The following SLC25A17 variants were observed in gnomAD, a reference collection of about 807,000 sequenced individuals.
SLC25A17 encodes peroxisomal membrane protein PMP34.
A neutral mutation model predicts 38.5 loss-of-function variants in SLC25A17; 26 were observed. The ratio of observed to expected loss-of-function variants is 0.68; its 90% CI spans 0.50 to 0.94. SLC25A17 has a LOEUF of 0.94. Ranked by LOEUF, SLC25A17 falls within the 40% of genes least tolerant of loss-of-function variation. SLC25A17 has a pLI of 0.00. For synonymous variants in SLC25A17, 139 were observed against 136.2 expected (o/e 1.02, Z -0.14); for missense variants, 333 against 372.7 (o/e 0.89, Z 0.88).
At chr22:40,816,754 G>A (rs751684462) in intron 1 of SLC25A17, among the ~76,000 whole-genome samples, 2 of 151,982 alleles carry the variant, frequency 1.3e-5, no homozygotes, top group African/African-American at 4.8e-5. Context: ...GGGATTACAG[G>A]CGCCCACCAC....
chr22:40,772,115 G>T (rs1459620410), intron 8 of SLC25A17, among the ~76,000 whole-genome samples: 2 of 151,724 alleles, frequency 1.3e-5, no homozygotes, highest in African/African-American at 4.8e-5. Flanking sequence ...GAAGTGGATG[G>T]CTGGGTCCTA....
chr22:40,801,715 G>C (rs1406833659), intron 1 of SLC25A17, among the ~76,000 whole-genome samples: 3 of 152,180 alleles, frequency 2.0e-5, no homozygotes. Context: ...AAAAATGGGA[G>C]CTGGAAAGTT....
chr22:40,798,660 T>C lies in SLC25A17; in HGVS notation c.115+363A>G, dbSNP rs368590465. On this transcript the variant is annotated intron_variant, in intron 2 of 8. Transcript: ENST00000435456. ...CTAGAAAAATAAAAGCACACATACA[T>C]AAAAAAAAAAAAAAAAAAAAAAAGA... 4.0e-5 allele frequency among the ~76,000 whole-genome samples: 3 copies of C among 74,378 alleles called. No individual in the cohort carries two copies. The East Asian group carries it at 1.4e-3, about 34-fold the overall frequency. The allele number at this position is 74,378 out of a possible 152,430, so 48.8% of individuals were successfully genotyped here. A position where few individuals can be genotyped will look rare whatever the true frequency, so the allele number is the denominator to read the frequency against.
intron 1 of SLC25A17, among the ~76,000 whole-genome samples, chr22:40,813,530 T>C (rs1284614794): frequency 6.6e-6 from 1 of 151,432 alleles, no homozygotes; most frequent in African/African-American, 2.4e-5. Flanking sequence ...AGAGCGAGAC[T>C]CTGTATAAAA....
chr22:40,816,900 C>T (rs1189425731), intron 1 of SLC25A17, among the ~76,000 whole-genome samples: 3 of 151,810 alleles, frequency 2.0e-5, no homozygotes, highest in Admixed American at 1.3e-4. Flanking sequence ...CGTGAGCCAC[C>T]GCACCCAGCC....
In SLC25A17 at chr22:40,799,077, C is replaced by T. The variant is rs140883594; in HGVS notation, c.61G>A (p.Val21Met). The T allele has an allele frequency of 3.8e-5, 61 of 1,613,370 alleles. No individual in the cohort carries two copies. The highest frequency in any genetic ancestry group is 3.5e-4 in the African/African-American group (26 of 74,852). Residue 21 changes from valine (V) to methionine (M), a missense_variant, in exon 2 of 9, where the codon GTG becomes ATG. Transcript: ENST00000435456. ...VHAVAGAVGS[V>M]TAMTVFFPLD... ...GGAAAAAACACTGTCATTGCTGTCA[C>T]GCTTCCCTGAAAAGTTTGAAAAAGG...
intron 1 of SLC25A17, among the ~76,000 whole-genome samples, chr22:40,807,368 T>C (rs1389095170): frequency 1.3e-5 from 2 of 152,170 alleles, no homozygotes; most frequent in African/African-American, 2.4e-5. Context: ...CAGCTTGTGA[T>C]AGAATCAGTA....
At chr22:40,776,289 A>G (rs1357799026) in intron 7 of SLC25A17, 4 of 469,430 alleles carry the variant, frequency 8.5e-6, no homozygotes, top group South Asian at 6.3e-5. Flanking sequence ...TGCTTAGTAA[A>G]TATTTGAATG....
intron 1 of SLC25A17, among the ~76,000 whole-genome samples, chr22:40,805,668 C>T (rs1051934124): frequency 2.6e-5 from 4 of 152,068 alleles, no homozygotes; most frequent in African/African-American, 9.7e-5. Context: ...ATATCCGCCA[C>T]ACCAGATAAG....
intron 4 of SLC25A17, among the ~76,000 whole-genome samples, chr22:40,791,706 C>T (rs1361806434): frequency 6.6e-6 from 1 of 152,132 alleles, no homozygotes; most frequent in East Asian, 1.9e-4. Flanking sequence ...TCACCTCATA[C>T]CCATTAGGAT....
chr22:40,807,451 T>C (rs1355704517), intron 1 of SLC25A17, among the ~76,000 whole-genome samples: 2 of 152,058 alleles, frequency 1.3e-5, no homozygotes, highest in African/African-American at 2.4e-5. Flanking sequence ...ATTACTAATA[T>C]AGAAATAAAA....
intron 4 of SLC25A17, 136 bp from the exon 5 acceptor site, chr22:40,779,261 C>T: frequency 1.3e-6 from 2 of 1,519,908 alleles, no homozygotes; most frequent in Non-Finnish European, 8.8e-7. Context: ...TAAGGTGTCT[C>T]TTTGTGCCAG....
At chr22:40,803,887 T>C (rs2057506058) in intron 1 of SLC25A17, among the ~76,000 whole-genome samples, 1 of 151,866 alleles carries the variant, frequency 6.6e-6, no homozygotes, top group African/African-American at 2.4e-5. Context: ...TTCCACTATG[T>C]CGGATCTCAC....
chr22:40,815,124 TATTCTTTAAA>T (rs2057626400), intron 1 of SLC25A17, among the ~76,000 whole-genome samples: 2 of 152,120 alleles, frequency 1.3e-5, no homozygotes, highest in East Asian at 3.9e-4. Context: ...CGGCCCAGAA[TATTCTTTAAA>T]TAAGCTTAGC....
chr22:40,796,584 C>T (rs2057431964), intron 2 of SLC25A17, among the ~76,000 whole-genome samples: 1 of 150,180 alleles, frequency 6.7e-6, no homozygotes, highest in Non-Finnish European at 1.5e-5. Flanking sequence ...TGTGCCACTG[C>T]ACTCCAACCT....
At chr22:40,808,896 T>C (rs1409748079) in intron 1 of SLC25A17, among the ~76,000 whole-genome samples, 1 of 152,204 alleles carries the variant, frequency 6.6e-6, no homozygotes, top group African/African-American at 2.4e-5. Context: ...TCTCACAGTG[T>C]GTAGCAAAAT....
chr22:40,801,125 T>TTA (rs1569410094), intron 1 of SLC25A17, among the ~76,000 whole-genome samples: 1 of 49,518 alleles, frequency 2.0e-5, no homozygotes, highest in Non-Finnish European at 3.6e-5. Context: ...AAAAAATATA[T>TTA]TACATATATA....
intron 4 of SLC25A17, among the ~76,000 whole-genome samples, chr22:40,781,394 C>T (rs947495548): frequency 2.0e-5 from 3 of 151,958 alleles, no homozygotes; most frequent in Non-Finnish European, 4.4e-5. Context: ...TACAGGCGCC[C>T]GCCACTGCGC....
At chr22:40,813,672 C>T (rs570673937) in intron 1 of SLC25A17, among the ~76,000 whole-genome samples, 6 of 152,198 alleles carry the variant, frequency 3.9e-5, no homozygotes, top group African/African-American at 1.4e-4. Flanking sequence ...TGCAGTGAGC[C>T]GAGATCACGC....
Sources: allele counts gnomAD v4.1 joint callset (sites outside exome capture counted in the v4.1 genomes callset), GRCh38; gene constraint gnomAD v4.1.1; transcripts MANE v1.5; gene names NCBI Gene and HGNC (gene_info 2026-07-23, HGNC 2026-07-21).